Variants in SEMA3A observed in about 807,000 individuals in gnomAD.
SEMA3A encodes the protein semaphorin-3A.
In SEMA3A, 29 loss-of-function variants were observed where a neutral mutation model predicts 97.9. That is an observed-to-expected ratio of 0.30 (90% CI 0.22 to 0.40). The LOEUF is 0.40. SEMA3A is among the 10% of genes least tolerant of loss of function. The pLI, the probability that SEMA3A is intolerant of heterozygous loss-of-function variation, is 1.00. For missense variants in SEMA3A, 763 were observed against 951.3 expected (o/e 0.80, Z 2.60); for synonymous variants, 321 against 323.7 (o/e 0.99, Z 0.09).
chr7:84,119,403 G>A (rs1795534197), intron 3 of SEMA3A, among the ~76,000 whole-genome samples: 1 of 152,108 alleles, frequency 6.6e-6, no homozygotes, highest in East Asian at 1.9e-4. Context: ...TAATTTTGCA[G>A]TCTGTTTTCC....
intron 14 of SEMA3A, among the ~76,000 whole-genome samples, chr7:83,980,603 C>CAAAAAAAAAAAAAA (rs749889921): frequency 1.5e-4 from 8 of 53,968 alleles, no homozygotes; most frequent in Admixed American, 4.8e-4. Context: ...GACTCCATCT[C>CAAAAAAAAAAAAAA]AAAAAAAAAA....
At chr7:84,149,836 A>T (rs1300286708) in intron 1 of SEMA3A, among the ~76,000 whole-genome samples, 1 of 152,232 alleles carries the variant, frequency 6.6e-6, no homozygotes, top group African/African-American at 2.4e-5. Flanking sequence ...GTTTGAAGGC[A>T]GAGAATAACA....
At chr7:84,001,932 A>C (rs781334495) in intron 12 of SEMA3A, 23 bp downstream of exon 12, 60 of 1,541,732 alleles carry the variant, frequency 3.9e-5, no homozygotes. Context: ...ACTTGTTGAC[A>C]CTTGAAATTA....
intron 1 of SEMA3A, among the ~76,000 whole-genome samples, chr7:84,443,522 A>G (rs1003057833): frequency 9.2e-5 from 14 of 152,116 alleles, no homozygotes; most frequent in Non-Finnish European, 1.5e-5. Context: ...GTAGGAAACA[A>G]AAAGTGTCAG....
chr7:84,066,290 T>C (rs1031331489), intron 4 of SEMA3A, among the ~76,000 whole-genome samples: 8 of 152,082 alleles, frequency 5.3e-5, no homozygotes, highest in Non-Finnish European at 1.0e-4. Flanking sequence ...AAGAGCTATC[T>C]ATGACAAACC....
In SEMA3A at chr7:84,292,860, T is replaced by C. The variant is rs192249805; in HGVS notation, c.-83+14347A>G. Among the ~76,000 whole-genome samples, 65 of 152,130 alleles carry C rather than the reference T, an allele frequency of 4.3e-4. 1 individual carries two copies. Among genetic ancestry groups the C allele is most frequent in the Non-Finnish European group, 1.3e-4 (9 of 67,950 alleles). ...AATATTTTAACATATATTTTATAGG[T>C]TATTTATGTTGTGAAAAACATATTG... On this transcript the variant is annotated intron_variant, in intron 3 of 3. Coordinates refer to the SEMA3A transcript ENST00000424555.
chr7:84,404,327 G>A (rs1302413068), intron 1 of SEMA3A, among the ~76,000 whole-genome samples: 5 of 152,144 alleles, frequency 3.3e-5, no homozygotes, highest in Non-Finnish European at 4.4e-5. Context: ...AATGAAGCGT[G>A]AAGAGAAGTT....
intron 3 of SEMA3A, among the ~76,000 whole-genome samples, chr7:84,300,589 T>C (rs1371659428): frequency 6.6e-6 from 1 of 152,130 alleles, no homozygotes; most frequent in African/African-American, 2.4e-5. Flanking sequence ...GGAATGACTA[T>C]ATGAATGCCA....
At position 83,957,146 on chromosome 7, in the gene SEMA3A, G is replaced by A. The variant is rs1788304006; in HGVS notation, c.*4225C>T. On this transcript the variant is annotated 3_prime_UTR_variant, in exon 17 of 17. Transcript: ENST00000265362. ...CAAATAAATCACACATTGGGGTAGT[G>A]TGACAATAAAAGGTATATACAAGGC... 6.6e-6 allele frequency: 1 copy of A among 152,134 alleles called. No individual in the cohort carries two copies. Among genetic ancestry groups the A allele is most frequent in the South Asian group, 2.1e-4 (1 of 4,830 alleles). The allele number at this position is 152,134 out of a possible 1,614,324, so 9.4% of individuals were successfully genotyped here.
At chr7:84,172,578 C>T (rs911767846) in intron 1 of SEMA3A, among the ~76,000 whole-genome samples, 1 of 152,000 alleles carries the variant, frequency 6.6e-6, no homozygotes, top group Non-Finnish European at 1.5e-5. Context: ...TCCGCCACCA[C>T]GCCCGGCTCA....
intron 1 of SEMA3A, among the ~76,000 whole-genome samples, chr7:84,467,525 TAA>T (rs56021863): frequency 0.29 from 28,255 of 97,072 alleles, 4,589 homozygotes; most frequent in East Asian, 0.73. Flanking sequence ...AGACTCCTTC[TAA>T]AAAAAAAAAA....
chr7:84,449,351 C>A (rs2116361067), intron 1 of SEMA3A, among the ~76,000 whole-genome samples: 1 of 152,114 alleles, frequency 6.6e-6, no homozygotes. Context: ...TACCCACAAA[C>A]TAAGTACAAA....
intron 1 of SEMA3A, among the ~76,000 whole-genome samples, chr7:84,421,375 G>A (rs901934573): frequency 2.0e-5 from 3 of 152,004 alleles, no homozygotes; most frequent in Non-Finnish European, 4.4e-5. Context: ...ATGCTAATGG[G>A]AGTTCTTCAA....
upstream of SEMA3A, among the ~76,000 whole-genome samples, chr7:84,199,223 T>G (rs941509582): frequency 1.3e-5 from 2 of 152,154 alleles, no homozygotes; most frequent in Admixed American, 1.3e-4. Flanking sequence ...AAATTGTGTT[T>G]TAGATGTATT....
chr7:83,984,311 A>G (rs1236230603), intron 13 of SEMA3A, among the ~76,000 whole-genome samples: 2 of 152,150 alleles, frequency 1.3e-5, no homozygotes, highest in African/African-American at 4.8e-5. Flanking sequence ...AGATGAACAC[A>G]TACTTATGCA....
chr7:84,112,621 TG>T lies in SEMA3A; in HGVS notation c.334-2033del, dbSNP rs370913491. ...TTATGAATCATAATGTCCCAGAATT[TG>T]TGGGCTCTTTATCTCTTATAGATTG... On this transcript the variant is annotated intron_variant, in intron 3 of 16. Coordinates refer to ENST00000265362, the MANE Select transcript of SEMA3A (RefSeq NM_006080.3). Among the ~76,000 whole-genome samples, 667 of 152,314 alleles carry T rather than the reference TG, an allele frequency of 4.4e-3. 5 individuals carry two copies. The highest frequency in any genetic ancestry group is 0.015 in the African/African-American group (627 of 41,580).
At chr7:84,210,982 A>G (rs1798610672) in intron 3 of SEMA3A, among the ~76,000 whole-genome samples, 2 of 152,150 alleles carry the variant, frequency 1.3e-5, no homozygotes, top group Non-Finnish European at 2.9e-5. Context: ...GACAAGATAT[A>G]TCTGGAACAG....
intron 1 of SEMA3A, among the ~76,000 whole-genome samples, chr7:84,454,447 T>TG (rs1233354564): frequency 6.6e-6 from 1 of 152,154 alleles, no homozygotes; most frequent in African/African-American, 2.4e-5. Flanking sequence ...AGTAACCAGT[T>TG]ATTTGACACT....
In SEMA3A at chr7:84,010,069, TTTTG is replaced by T. The variant is rs1292782688; in HGVS notation, c.995+949_995+952del. Among the ~76,000 whole-genome samples the T allele has an allele frequency of 5.3e-5, 8 of 152,092 alleles. No homozygotes were observed. In the South Asian group the frequency reaches 1.0e-3, roughly 20 times the overall value. ...CTGTAATGCTGAAGGTTTTTGTTTA[TTTTG>T]TTTATGTCTTTTTACATGATTATTT... On this transcript the variant is annotated intron_variant, in intron 9 of 16. Coordinates refer to ENST00000265362, the MANE Select transcript of SEMA3A (RefSeq NM_006080.3).
Sources: gnomAD v4.1 joint callset for allele counts (sites outside exome capture counted in the v4.1 genomes callset) on GRCh38, gnomAD v4.1.1 for gene constraint, MANE v1.5 for transcripts, NCBI Gene and HGNC (gene_info 2026-07-23, HGNC 2026-07-21) for gene names.